The following CSMD1 variants were observed in gnomAD, a reference collection of about 807,000 sequenced individuals.
CSMD1 encodes CUB and sushi domain-containing protein 1.
CSMD1 carries 213 observed loss-of-function variants against 417.5 expected under a neutral mutation model. That is an observed-to-expected ratio of 0.51 (90% confidence interval 0.46 to 0.57). CSMD1 has a LOEUF of 0.57. Ranked by LOEUF, CSMD1 falls within the 20% of genes least tolerant of loss-of-function variation. The pLI is 0.00. For missense variants in CSMD1, 6,923 were observed against 4,529.7 expected (o/e 1.53, Z -15.17); for synonymous variants, 2,862 against 1,736.8 (o/e 1.65, Z -16.11).
At chr8:4,033,131 A>G (rs1196702846) in intron 3 of CSMD1, among the ~76,000 whole-genome samples, 3 of 11,312 alleles carry the variant, frequency 2.7e-4, no homozygotes, top group South Asian at 2.2e-3. Flanking sequence ...TTCCAATATG[A>G]AAAAAAAAAA....
chr8:4,088,338 G>A (rs1391699119), intron 3 of CSMD1, among the ~76,000 whole-genome samples: 1 of 152,180 alleles, frequency 6.6e-6, no homozygotes, highest in Admixed American at 6.5e-5. Flanking sequence ...TACCATACTG[G>A]CTTTGCAGCA....
chr8:4,135,547 G>C (rs546980235), intron 3 of CSMD1, among the ~76,000 whole-genome samples: 6 of 152,042 alleles, frequency 3.9e-5, no homozygotes, highest in African/African-American at 1.4e-4. Flanking sequence ...TTTCAGATTG[G>C]AAACAAATAT....
chr8:4,292,352 A>T (rs1797418177), intron 3 of CSMD1, among the ~76,000 whole-genome samples: 1 of 152,058 alleles, frequency 6.6e-6, no homozygotes, highest in African/African-American at 2.4e-5. Flanking sequence ...TCCGGGGTTC[A>T]CGCCTTTCTC....
rs146659203 is a variant in CSMD1, at chr8:3,834,805, C to G, written c.819-80763G>C. ...AACCTACAAAATGGGAGAAAATTTTCACAACCTACTCATCTGACAAAGGGC... is the reference window on the plus strand; with the variant it reads ...AACCTACAAAATGGGAGAAAATTTTGACAACCTACTCATCTGACAAAGGGC... On this transcript the variant is annotated intron_variant, in intron 5 of 69. Coordinates refer to ENST00000635120, the MANE Select transcript of CSMD1 (RefSeq NM_033225.6). 1.0e-3 allele frequency among the ~76,000 whole-genome samples: 152 copies of G among 151,960 alleles called. 1 individual carries two copies. Among genetic ancestry groups the G allele is most frequent in the African/African-American group, 3.6e-3 (149 of 41,458 alleles).
At position 3,852,061 on chromosome 8, in the gene CSMD1, C is replaced by T. The variant is rs73661006; in HGVS notation, c.819-98019G>A. Among the ~76,000 whole-genome samples the T allele has an allele frequency of 3.7e-3, 565 of 152,262 alleles. 5 individuals are homozygous for T. The highest frequency in any genetic ancestry group is 0.013 in the African/African-American group (547 of 41,534). On this transcript the variant is annotated intron_variant, in intron 5 of 69. Transcript: ENST00000635120. ...GTATGAAAAATAAGAATGGTTGAGG[C>T]AGACTGGAGGAGATCTTTGCAGAAA...
intron 3 of CSMD1, among the ~76,000 whole-genome samples, chr8:4,108,741 T>A (rs1801700976): frequency 6.6e-6 from 1 of 151,606 alleles, no homozygotes; most frequent in Non-Finnish European, 1.5e-5. Context: ...CGACTTTTGT[T>A]ACATTTAGTT....
At chr8:4,967,628 T>G (rs1241874242) in intron 1 of CSMD1, among the ~76,000 whole-genome samples, 1 of 152,220 alleles carries the variant, frequency 6.6e-6, no homozygotes, top group South Asian at 2.1e-4. Context: ...GGTTCTATGT[T>G]CAGTTCTTAA....
At chr8:4,223,737 C>G (rs906449595) in intron 3 of CSMD1, among the ~76,000 whole-genome samples, 2 of 152,164 alleles carry the variant, frequency 1.3e-5, no homozygotes, top group Non-Finnish European at 2.9e-5. Context: ...GAATTTGGGT[C>G]AGATTCTCAG....
chr8:3,047,645 C>G (rs1352923866), intron 50 of CSMD1, among the ~76,000 whole-genome samples: 1 of 152,178 alleles, frequency 6.6e-6, no homozygotes, highest in African/African-American at 2.4e-5. Context: ...TCTGCTTCTC[C>G]CTTCCTTTAC....
intron 1 of CSMD1, among the ~76,000 whole-genome samples, chr8:4,652,805 T>G (rs773992133): frequency 2.0e-5 from 3 of 152,104 alleles, no homozygotes; most frequent in Non-Finnish European, 2.9e-5. Flanking sequence ...GGGATGGTTT[T>G]GGGGCATTAG....
chr8:4,271,468 T>C (rs1486953900), intron 3 of CSMD1, among the ~76,000 whole-genome samples: 1 of 151,970 alleles, frequency 6.6e-6, no homozygotes, highest in Non-Finnish European at 1.5e-5. Context: ...CTCACTGCAA[T>C]GCAATACATT....
At chr8:3,494,065 T>A (rs998301228) in intron 10 of CSMD1, among the ~76,000 whole-genome samples, 2 of 152,210 alleles carry the variant, frequency 1.3e-5, no homozygotes, top group Admixed American at 1.3e-4. Flanking sequence ...GCAAAAGAAA[T>A]GTTGGTTATA....
chr8:4,948,964 G>C (rs1808554069), intron 1 of CSMD1, among the ~76,000 whole-genome samples: 1 of 152,006 alleles, frequency 6.6e-6, no homozygotes, highest in Non-Finnish European at 1.5e-5. Context: ...ATATAGCAAG[G>C]CTGATATAAT....
intron 5 of CSMD1, among the ~76,000 whole-genome samples, chr8:3,990,338 T>A (rs1236267241): frequency 1.3e-5 from 2 of 152,162 alleles, no homozygotes; most frequent in African/African-American, 2.4e-5. Context: ...AAATCTGACA[T>A]GAGAGAAATA....
intron 2 of CSMD1, among the ~76,000 whole-genome samples, chr8:4,446,733 CTGTGTGTGTGTGTGTGTGTGTCTGTG>C (rs1396213644): frequency 4.4e-3 from 595 of 134,060 alleles, no homozygotes; most frequent in African/African-American, 0.015. Context: ...GTGTGTGTGT[CTGTGTGTGTGTGTGTGTGTGTCTGTG>C]TGTGTGTGTG....
intron 3 of CSMD1, among the ~76,000 whole-genome samples, chr8:4,154,558 C>T (rs1223469698): frequency 2.6e-5 from 4 of 152,140 alleles, no homozygotes; most frequent in Admixed American, 2.0e-4. Context: ...ATGCTTCTAA[C>T]GCCGTGAGCT....
At chr8:4,385,960 G>A (rs1278748482) in intron 3 of CSMD1, among the ~76,000 whole-genome samples, 3 of 152,094 alleles carry the variant, frequency 2.0e-5, no homozygotes, top group East Asian at 1.9e-4. Context: ...CCAACCCAGA[G>A]CATCAGCATC....
chr8:3,839,643 A>G (rs1251601088), intron 5 of CSMD1, among the ~76,000 whole-genome samples: 1 of 140,638 alleles, frequency 7.1e-6, no homozygotes, highest in Non-Finnish European at 1.5e-5. Flanking sequence ...CAAGAGTGAC[A>G]CTTCAACTCA....
intron 1 of CSMD1, among the ~76,000 whole-genome samples, chr8:4,964,062 G>A (rs561146351): frequency 1.3e-5 from 2 of 152,102 alleles, no homozygotes; most frequent in Non-Finnish European, 2.9e-5. Flanking sequence ...AATCTGGCAA[G>A]ACATATCTGG....
Sources: gnomAD v4.1 joint callset for allele counts (sites outside exome capture counted in the v4.1 genomes callset) on GRCh38, gnomAD v4.1.1 for gene constraint, MANE v1.5 for transcripts, NCBI Gene and HGNC (gene_info 2026-07-23, HGNC 2026-07-21) for gene names.